The following SLC22A17 variants were observed in gnomAD, a reference collection of about 807,000 sequenced individuals.
SLC22A17 encodes the protein 24p3 receptor.
Under a neutral mutation model 53.6 loss-of-function variants are expected in SLC22A17, and 38 were observed. That is an observed-to-expected ratio of 0.71 (90% CI 0.55 to 0.93). The LOEUF is 0.93. SLC22A17 is among the 40% of genes least tolerant of loss of function. The pLI, the probability that SLC22A17 is intolerant of heterozygous loss-of-function variation, is 0.00. For missense variants in SLC22A17, 704 were observed against 791.0 expected, an observed-to-expected ratio of 0.89 and a Z score of 1.32; for synonymous variants, 379 against 353.0, an observed-to-expected ratio of 1.07 and a Z score of -0.82.
exon 10 of SLC22A17, chr14:23,346,418 A>C: frequency 2.0e-6 from 1 of 505,910 alleles, no homozygotes; most frequent in Non-Finnish European, 3.4e-6. Context: ...GCCCAGACCC[A>C]GTGGTTACAG....
Position 23,348,071 on chromosome 14 carries a change from C to G in SLC22A17, c.1172-75G>C. On this transcript the variant is annotated intron_variant, in intron 6 of 9. Coordinates refer to ENST00000397267, the Ensembl canonical transcript of SLC22A17. This position sits in a 1 kb window ranked among gnomAD's most constrained non-coding sequence, Gnocchi z 4.5. Reference sequence around the variant, plus strand: ...ATCCTCCCACATGGGTGGTGGGGACCCTGGGAGAAGGTGGCACAGCTACAG... The same window carrying G: ...ATCCTCCCACATGGGTGGTGGGGACGCTGGGAGAAGGTGGCACAGCTACAG... The G allele has an allele frequency of 6.2e-7, 1 of 1,610,462 alleles. No individual in the cohort carries two copies. The highest frequency in any genetic ancestry group is 2.2e-5 in the East Asian group (1 of 44,840).
At chr14:23,349,532 T>C (rs551082888) in intron 3 of SLC22A17, 106 bp from the exon 4 acceptor site, 29 of 1,337,666 alleles carry the variant, frequency 2.2e-5, no homozygotes, top group South Asian at 1.5e-4. Flanking sequence ...GAGAATGAAG[T>C]TCTGGGAGCA....
intron 3 of SLC22A17, among the ~76,000 whole-genome samples, chr14:23,350,369 G>A (rs1438808799): frequency 2.6e-5 from 4 of 152,136 alleles, no homozygotes; most frequent in Non-Finnish European, 5.9e-5. Context: ...AGACATGGGT[G>A]TATTAATCCA....
Position 23,347,354 on chromosome 14 carries a change from A to T in SLC22A17, c.1549+106T>A. On this transcript the variant is annotated intron_variant, in intron 8 of 9. Coordinates refer to ENST00000397267, the Ensembl canonical transcript of SLC22A17. The surrounding 1 kb of genome is among the most constrained non-coding windows in gnomAD (Gnocchi z 5.1). ...ATTCAGTAATTGACTGGGAGAGCAGATGGGGCTGTGGGGCCAGGTGGAGGC... is the reference window on the plus strand; with the variant it reads ...ATTCAGTAATTGACTGGGAGAGCAGTTGGGGCTGTGGGGCCAGGTGGAGGC... 1 of 1,507,090 alleles carries T rather than the reference A, an allele frequency of 6.6e-7. No homozygotes were observed. The highest frequency in any genetic ancestry group is 1.3e-5 in the South Asian group (1 of 76,980). The allele number at this position is 1,507,090 out of a possible 1,614,324, so 93.4% of individuals were successfully genotyped here.
Position 23,352,215 on chromosome 14 carries a change from G to T in SLC22A17, c.333C>A (p.Gly111=), listed in dbSNP as rs1436686301. The T allele has an allele frequency of 1.3e-6, 2 of 1,483,840 alleles. No individual in the cohort carries two copies. Among genetic ancestry groups the T allele is most frequent in the Non-Finnish European group, 8.9e-7 (1 of 1,121,332 alleles). The allele number at this position is 1,483,840 out of a possible 1,614,324, so 91.9% of individuals were successfully genotyped here. A position where few individuals can be genotyped will look rare whatever the true frequency, so the allele number is the denominator to read the frequency against. ...GCGTGAAGATGGGGTCCGAGGCCAT[G>T]CCCAGAGCCACGAAGAGCACCGGCA... The change falls in exon 2 of 10, where the codon GGC becomes GGA. Residue 111 remains glycine, a synonymous_variant. Transcript: ENST00000397267. The surrounding 1 kb of genome is among the most constrained non-coding windows in gnomAD (Gnocchi z 7.2).
At position 23,352,179 on chromosome 14, in the gene SLC22A17, C is replaced by CG; in HGVS notation, c.368dup (p.Leu124AlafsTer11). The stretch of plus-strand genomic sequence containing the variant: ...GGAAGGCCCCGTAGTGGCAATGCAG[C>CG]GGGGGCGCCAGCGTGAAGATGGGGT... On this transcript the variant is annotated frameshift_variant, in exon 2 of 10. Transcript: ENST00000397267. LOFTEE classifies it high-confidence loss of function. The surrounding 1 kb of genome is among the most constrained non-coding windows in gnomAD (Gnocchi z 7.2). The CG allele has an allele frequency of 1.3e-6, 2 of 1,521,282 alleles. No individual in the cohort carries two copies. The highest frequency in any genetic ancestry group is 8.8e-7 in the Non-Finnish European group (1 of 1,138,748). 94.2% of individuals were successfully genotyped at this position (1,521,282 alleles called of 1,614,324 possible). A position where few individuals can be genotyped will look rare whatever the true frequency, so the allele number is the denominator to read the frequency against.
rs573076242 is a variant in SLC22A17, at chr14:23,349,544, G to C, written c.705-118C>G. On this transcript the variant is annotated intron_variant, in intron 3 of 9. Transcript: ENST00000397267. Reference sequence around the variant, plus strand: ...TATGAGAATGAAGTTCTGGGAGCAAGAGTTGGACAGAGGCTTGAGAAGATG... The same window carrying C: ...TATGAGAATGAAGTTCTGGGAGCAACAGTTGGACAGAGGCTTGAGAAGATG... 2.7e-4 allele frequency: 332 copies of C among 1,220,686 alleles called. 2 individuals are homozygous for C. The highest frequency in any genetic ancestry group is 1.4e-3 in the Middle Eastern group (5 of 3,484). 75.6% of individuals were successfully genotyped at this position (1,220,686 alleles called of 1,614,324 possible). A position where few individuals can be genotyped will look rare whatever the true frequency, so the allele number is the denominator to read the frequency against.
rs1208344597 is a variant in SLC22A17, at chr14:23,347,078, C to T, written c.1661+23G>A. On this transcript the variant is annotated intron_variant, in intron 9 of 9. Coordinates refer to ENST00000397267, the Ensembl canonical transcript of SLC22A17. The surrounding 1 kb of genome is among the most constrained non-coding windows in gnomAD (Gnocchi z 5.1). ...GGAGGCGAGGGGGCCCGGCTCTGCC[C>T]CTGGGGGCACCCCTGCTCTCACCGG... 15 of 1,600,106 alleles carry T rather than the reference C, an allele frequency of 9.4e-6. No individual in the cohort carries two copies. Among genetic ancestry groups the T allele is most frequent in the African/African-American group, 9.4e-5 (7 of 74,686 alleles).
Position 23,347,827 on chromosome 14 carries a change from T to G in SLC22A17, c.1277+64A>C. 1 of 1,612,070 alleles carries G rather than the reference T, an allele frequency of 6.2e-7. No individual in the cohort carries two copies. Among genetic ancestry groups the G allele is most frequent in the Non-Finnish European group, 8.5e-7 (1 of 1,178,516 alleles). On this transcript the variant is annotated intron_variant, in intron 7 of 9. Transcript: ENST00000397267. This position sits in a 1 kb window ranked among gnomAD's most constrained non-coding sequence, Gnocchi z 5.1. ...GTCCTCCGCAGGGGTCCCCGGGCCT[T>G]CCCACCCAGCCAGCCCCCATTCCAG...
At chr14:23,349,161 TGA>T in intron 4 of SLC22A17, 109 bp downstream of exon 4, 7 of 1,415,420 alleles carry the variant, frequency 4.9e-6, no homozygotes, top group Non-Finnish European at 6.0e-6. Flanking sequence ...GAAAGATAGC[TGA>T]GATTCTAGGC....
chr14:23,349,342 T>C (rs1889472451), exon 4 of SLC22A17: 2 of 1,614,046 alleles, frequency 1.2e-6, no homozygotes, highest in Non-Finnish European at 1.7e-6. Context: ...CCATGACGCC[T>C]GTGGAGGAGC....
chr14:23,348,637 C>T lies in SLC22A17; in HGVS notation c.894G>A (p.Arg298=). 4 of 1,613,532 alleles carry T rather than the reference C, an allele frequency of 2.5e-6. No individual in the cohort carries two copies. The highest frequency in any genetic ancestry group is 2.5e-6 in the Non-Finnish European group (3 of 1,179,736). Residue 298 remains arginine (R), a synonymous_variant, in exon 5 of 10, where the codon CGG becomes CGA. Coordinates refer to ENST00000397267, the Ensembl canonical transcript of SLC22A17. The surrounding 1 kb of genome is among the most constrained non-coding windows in gnomAD (Gnocchi z 4.5). ...CCACCAACTCCCCTGCCAGGGCCACCCGAAGCCTCTGGGTTGGGTCGCACA... is the reference window on the plus strand; with the variant it reads ...CCACCAACTCCCCTGCCAGGGCCACTCGAAGCCTCTGGGTTGGGTCGCACA...
intron 4 of SLC22A17, 175 bp downstream of exon 4, chr14:23,349,097 G>T: frequency 2.6e-6 from 2 of 763,782 alleles, no homozygotes; most frequent in Non-Finnish European, 4.4e-6. Context: ...TCGGGAGGGG[G>T]AGATAGGTGT....
At chr14:23,346,404 T>G in exon 10 of SLC22A17, 1 of 464,372 alleles carries the variant, frequency 2.2e-6, no homozygotes, top group South Asian at 5.6e-5. Flanking sequence ...GGGCGCAGGA[T>G]GGAGCCCAGA....
At chr14:23,350,491 C>T (rs1254769039) in intron 3 of SLC22A17, among the ~76,000 whole-genome samples, 1 of 152,106 alleles carries the variant, frequency 6.6e-6, no homozygotes, top group African/African-American at 2.4e-5. Flanking sequence ...ATTATGGTCA[C>T]TAACTATGAG....
In SLC22A17 at chr14:23,348,834, G is replaced by A. The variant is rs998921318; in HGVS notation, c.860-163C>T. 7 of 738,754 alleles carry A rather than the reference G, an allele frequency of 9.5e-6. No homozygotes were observed. Among genetic ancestry groups the A allele is most frequent in the Non-Finnish European group, 1.3e-5 (6 of 464,218 alleles). The allele number at this position is 738,754 out of a possible 1,614,324, so 45.8% of individuals were successfully genotyped here. A position where few individuals can be genotyped will look rare whatever the true frequency, so the allele number is the denominator to read the frequency against. On this transcript the variant is annotated intron_variant, in intron 4 of 9. Transcript: ENST00000397267. This position sits in a 1 kb window ranked among gnomAD's most constrained non-coding sequence, Gnocchi z 4.5. ...TGCTAACCTCTGGGTGGCAAGGACT[G>A]GGGAGACTGTTCAGCCCTCTCTCCT...
chr14:23,346,936 C>T (rs1425241676), exon 10 of SLC22A17: 1 of 1,530,798 alleles, frequency 6.5e-7, no homozygotes, highest in Non-Finnish European at 8.7e-7. Context: ...GGCCACGGCC[C>T]CTGGGGGGAG....
At position 23,352,087 on chromosome 14, in the gene SLC22A17, A is replaced by G; in HGVS notation, c.461T>C (p.Leu154Pro). The G allele has an allele frequency of 6.3e-7, 1 of 1,592,234 alleles. No homozygotes were observed. The highest frequency in any genetic ancestry group is 8.5e-7 in the Non-Finnish European group (1 of 1,170,578). ...GACACGGCTGGCGGCGCTGGCTGCT[A>G]GGGCAGCGCTGGCGACGCTGACGCC... The change falls in exon 2 of 10, where the codon CTA becomes CCA. Residue 154 changes from leucine (L) to proline (P), a missense_variant. Physicochemically the swap from Leu to Pro is moderately conservative, Grantham distance 98. Coordinates refer to ENST00000397267, the Ensembl canonical transcript of SLC22A17. This position sits in a 1 kb window ranked among gnomAD's most constrained non-coding sequence, Gnocchi z 7.2.
rs756123861 is a variant in SLC22A17, at chr14:23,348,569, G to C, written c.962C>G (p.Ser321Cys). Residue 321 changes from serine (S) to cysteine (C), a missense_variant, in exon 5 of 10, where the codon TCT becomes TGT. Around this residue, in one of 4 missense-constraint regions of SLC22A17, gnomAD observed 435 missense variants for 529.0 expected, o/e 0.82. Coordinates refer to ENST00000397267, the Ensembl canonical transcript of SLC22A17. The surrounding 1 kb of genome is among the most constrained non-coding windows in gnomAD (Gnocchi z 4.5). ...TCGCTGTAGGAATCGCCAATCCTTA[G>C]AGACAAGGGCCAGGCCCAGGAACAG... 2 of 1,614,080 alleles carry C rather than the reference G, an allele frequency of 1.2e-6. No homozygotes were observed. Among genetic ancestry groups the C allele is most frequent in the Non-Finnish European group, 8.5e-7 (1 of 1,179,986 alleles).
Sources: allele counts gnomAD v4.1 joint callset (sites outside exome capture counted in the v4.1 genomes callset), GRCh38; gene constraint gnomAD v4.1.1; regional missense constraint gnomAD v4.1.1; non-coding constraint Gnocchi (gnomAD v3.1); transcripts MANE v1.5; gene names NCBI Gene and HGNC (gene_info 2026-07-23, HGNC 2026-07-21).